PIEZO2: variants seen among roughly 807,000 people sequenced by gnomAD.
PIEZO2 encodes the protein piezo-type mechanosensitive ion channel component 2.
In PIEZO2, 172 loss-of-function variants were observed where a neutral mutation model predicts 337.3. The observed-to-expected ratio is 0.51, with a 90% confidence interval of 0.45 to 0.58. The LOEUF is 0.58. Ranked by LOEUF, PIEZO2 falls within the 20% of genes least tolerant of loss-of-function variation. PIEZO2 has a pLI of 0.00. For synonymous variants in PIEZO2, 1,251 were observed against 1,228.5 expected, an observed-to-expected ratio of 1.02 and a Z score of -0.38; for missense variants, 3,028 against 3,391.3, an observed-to-expected ratio of 0.89 and a Z score of 2.66.
chr18:10,898,359 T>C (rs933264225), intron 4 of PIEZO2, among the ~76,000 whole-genome samples: 1 of 151,700 alleles, frequency 6.6e-6, no homozygotes, highest in East Asian at 1.9e-4. Flanking sequence ...AGGCAGAGCT[T>C]GCAGTGAGCC....
intron 2 of PIEZO2, among the ~76,000 whole-genome samples, chr18:11,049,662 A>G (rs1158553446): frequency 2.0e-5 from 3 of 152,160 alleles, no homozygotes; most frequent in Non-Finnish European, 4.4e-5. Flanking sequence ...TTTCCCCCAT[A>G]CTGTTCTCAC....
intron 4 of PIEZO2, among the ~76,000 whole-genome samples, chr18:10,901,643 G>C (rs2043051768): frequency 6.6e-6 from 1 of 152,112 alleles, no homozygotes. Context: ...AAACTAGTGT[G>C]GTGCCAACAG....
chr18:10,857,917 G>A (rs775905004), intron 5 of PIEZO2, among the ~76,000 whole-genome samples: 8 of 151,770 alleles, frequency 5.3e-5, no homozygotes, highest in East Asian at 3.9e-4. Context: ...TTCGTTTTGC[G>A]TTTAAAGAAT....
In PIEZO2 at chr18:10,833,931, C is replaced by A. The variant is rs146560516; in HGVS notation, c.917+21422G>T. Among the ~76,000 whole-genome samples, 362 of 152,346 alleles carry A rather than the reference C, an allele frequency of 2.4e-3. 4 individuals are homozygous for A. The highest frequency in any genetic ancestry group is 0.02 in the Admixed American group (302 of 15,302). On this transcript the variant is annotated intron_variant, in intron 7 of 55. Transcript: ENST00000674853. This position sits in a 1 kb window ranked among gnomAD's most constrained non-coding sequence, Gnocchi z 4.7. ...TGTTGCTTTTCTACAGACCTCAAAA[C>A]TTTTCCATGCAGTAGAAGAGCAGAA...
intron 13 of PIEZO2, among the ~76,000 whole-genome samples, chr18:10,792,339 T>C (rs775850638): frequency 6.6e-6 from 1 of 152,220 alleles, no homozygotes; most frequent in Non-Finnish European, 1.5e-5. Context: ...TCAGTGGTTT[T>C]TAGTATATTC....
At position 11,146,704 on chromosome 18, in the gene PIEZO2, G is replaced by A. The variant is rs2040820470; in HGVS notation, c.64+1821C>T. On this transcript the variant is annotated intron_variant, in intron 1 of 55. Transcript: ENST00000674853. This position sits in a 1 kb window ranked among gnomAD's most constrained non-coding sequence, Gnocchi z 6.1. ...GCTCAGGGCAAGGTCGCAGGCAATCGCTGCTGGCACTTCATTCCGCCACTG... is the reference window on the plus strand; with the variant it reads ...GCTCAGGGCAAGGTCGCAGGCAATCACTGCTGGCACTTCATTCCGCCACTG... 1.3e-5 allele frequency among the ~76,000 whole-genome samples: 2 copies of A among 152,226 alleles called. No homozygotes were observed. The highest frequency in any genetic ancestry group is 4.1e-4 in the South Asian group (2 of 4,836).
rs192498525 is a variant in PIEZO2 at position 10,945,885 on chromosome 18, T to A, written c.286+33650A>T. ...TGCCTGAAATTGAAAACACACTGAA[T>A]GGGGATTAAAAGCAGATTAGACACT... On this transcript the variant is annotated intron_variant, in intron 3 of 55. Transcript: ENST00000674853. This position sits in a 1 kb window ranked among gnomAD's most constrained non-coding sequence, Gnocchi z 4.0. Among the ~76,000 whole-genome samples the A allele has an allele frequency of 1.3e-5, 2 of 152,208 alleles. No individual in the cohort carries two copies. Among genetic ancestry groups the A allele is most frequent in the East Asian group, 3.9e-4 (2 of 5,184 alleles).
chr18:11,010,070 T>A (rs1366646830), intron 2 of PIEZO2, among the ~76,000 whole-genome samples: 2 of 152,146 alleles, frequency 1.3e-5, no homozygotes, highest in East Asian at 3.8e-4. Flanking sequence ...AAAGCAGAAC[T>A]GTGAAGGAGC....
rs557519472 is a variant in PIEZO2, at chr18:10,846,312, G to A, written c.917+9041C>T. Among the ~76,000 whole-genome samples the A allele has an allele frequency of 2.3e-4, 35 of 152,266 alleles. No homozygotes were observed. The South Asian group carries it at 6.4e-3, about 28-fold the overall frequency. ...CGTTTTTTAAAACCATCAGATTTGT[G>A]AGACTCATTCACTATCACCAGAACA... On this transcript the variant is annotated intron_variant, in intron 7 of 55. Transcript: ENST00000674853. The surrounding 1 kb of genome is among the most constrained non-coding windows in gnomAD (Gnocchi z 4.1).
chr18:10,704,125 C>T lies in PIEZO2; in HGVS notation c.6258+269G>A, dbSNP rs75359854. On this transcript the variant is annotated intron_variant, in intron 42 of 55. Coordinates refer to ENST00000674853, the MANE Select transcript of PIEZO2 (RefSeq NM_001378183.1). Reference sequence around the variant, plus strand: ...GGCCATTTATTTAATCTCATTGATGCTGTGTCCTTATCTGTTAAATGGGAA... The same window carrying T: ...GGCCATTTATTTAATCTCATTGATGTTGTGTCCTTATCTGTTAAATGGGAA... Among the ~76,000 whole-genome samples the T allele has an allele frequency of 2.3e-3, 343 of 152,336 alleles. 4 individuals are homozygous for T. The highest frequency in any genetic ancestry group is 7.4e-3 in the African/African-American group (306 of 41,584).
chr18:10,842,256 T>C (rs1016603635), intron 7 of PIEZO2, among the ~76,000 whole-genome samples: 3 of 152,138 alleles, frequency 2.0e-5, no homozygotes, highest in African/African-American at 7.2e-5. Flanking sequence ...ACCAACCTAA[T>C]ATACATGAAT....
In PIEZO2 at chr18:10,945,257, G is replaced by A. The variant is rs2032956123; in HGVS notation, c.287-34029C>T. 6.6e-6 allele frequency among the ~76,000 whole-genome samples: 1 copy of A among 152,140 alleles called. No homozygotes were observed. Among genetic ancestry groups the A allele is most frequent in the Non-Finnish European group, 1.5e-5 (1 of 68,022 alleles). On this transcript the variant is annotated intron_variant, in intron 3 of 55. Coordinates refer to ENST00000674853, the MANE Select transcript of PIEZO2 (RefSeq NM_001378183.1). This position sits in a 1 kb window ranked among gnomAD's most constrained non-coding sequence, Gnocchi z 4.0. ...TGCAGTGGCACAATCATAGCTCACT[G>A]CAGCCTCAAACTCCTGTGCTCAGGG...
intron 1 of PIEZO2, among the ~76,000 whole-genome samples, chr18:11,073,776 A>C (rs11080485): frequency 0.52 from 78,240 of 151,390 alleles, 22,195 homozygotes; most frequent in East Asian, 0.97. Context: ...CCATCTAGGG[A>C]AAAATATGCC....
chr18:10,967,601 T>C (rs2034064233), intron 3 of PIEZO2, among the ~76,000 whole-genome samples: 1 of 152,202 alleles, frequency 6.6e-6, no homozygotes, highest in African/African-American at 2.4e-5. Flanking sequence ...AGCACATCCA[T>C]GCCAACATCT....
rs2036910743 is a variant in PIEZO2, at chr18:11,035,883, C to A, written c.160+30244G>T. ...GCAAATAATATCTGTACTCCAAATA[C>A]TTGTCAGAGGAATGAACTCCAAATC... On this transcript the variant is annotated intron_variant, in intron 2 of 55. Coordinates refer to ENST00000674853, the MANE Select transcript of PIEZO2 (RefSeq NM_001378183.1). The surrounding 1 kb of genome is among the most constrained non-coding windows in gnomAD (Gnocchi z 4.3). 6.6e-6 allele frequency among the ~76,000 whole-genome samples: 1 copy of A among 152,202 alleles called. No homozygotes were observed. The highest frequency in any genetic ancestry group is 6.5e-5 in the Admixed American group (1 of 15,292).
chr18:11,140,470 A>G (rs1371900065), intron 1 of PIEZO2, among the ~76,000 whole-genome samples: 1 of 152,168 alleles, frequency 6.6e-6, no homozygotes, highest in Non-Finnish European at 1.5e-5. Flanking sequence ...CCTAATACCC[A>G]TTCCCACACA....
In PIEZO2 at chr18:11,102,906, A is replaced by G. The variant is rs1224498831; in HGVS notation, c.65-36684T>C. Among the ~76,000 whole-genome samples, 2 of 152,120 alleles carry G rather than the reference A, an allele frequency of 1.3e-5. No homozygotes were observed. The highest frequency in any genetic ancestry group is 4.8e-5 in the African/African-American group (2 of 41,414). On this transcript the variant is annotated intron_variant, in intron 1 of 55. Transcript: ENST00000674853. The surrounding 1 kb of genome is among the most constrained non-coding windows in gnomAD (Gnocchi z 5.7). ...AGTTTTGCCACTTGAGAGAGACTGAATCTATTTTTCCAGCTGTAATTTTAA... is the reference window on the plus strand; with the variant it reads ...AGTTTTGCCACTTGAGAGAGACTGAGTCTATTTTTCCAGCTGTAATTTTAA...
At chr18:10,702,220 G>A in intron 42 of PIEZO2, 49 bp from the exon 43 acceptor site, 1 of 1,479,984 alleles carries the variant, frequency 6.8e-7, no homozygotes, top group Non-Finnish European at 9.0e-7. Flanking sequence ...TTTAGGAATA[G>A]ATATACCTGT....
Position 11,009,178 on chromosome 18 carries a change from G to T in PIEZO2, c.161-29518C>A, listed in dbSNP as rs763338997. Among the ~76,000 whole-genome samples, 1 of 152,186 alleles carries T rather than the reference G, an allele frequency of 6.6e-6. No individual in the cohort carries two copies. Among genetic ancestry groups the T allele is most frequent in the African/African-American group, 2.4e-5 (1 of 41,436 alleles). ...AATCCTGGTAGGTTGCTCTTGCCACGTCACTGTTATTTGCCTGGGCAGTGT... is the reference window on the plus strand; with the variant it reads ...AATCCTGGTAGGTTGCTCTTGCCACTTCACTGTTATTTGCCTGGGCAGTGT... On this transcript the variant is annotated intron_variant, in intron 2 of 55. Transcript: ENST00000674853. This position sits in a 1 kb window ranked among gnomAD's most constrained non-coding sequence, Gnocchi z 4.6.
Sources: allele counts gnomAD v4.1 joint callset (sites outside exome capture counted in the v4.1 genomes callset), GRCh38; gene constraint gnomAD v4.1.1; non-coding constraint Gnocchi (gnomAD v3.1); transcripts MANE v1.5; gene names NCBI Gene and HGNC (gene_info 2026-07-23, HGNC 2026-07-21).